Variants in TYW1 observed in about 807,000 individuals in gnomAD.
TYW1 encodes tRNA-yW synthesizing protein 1 homolog.
Under a neutral mutation model 96.2 loss-of-function variants are expected in TYW1, and 46 were observed. The ratio of observed to expected loss-of-function variants is 0.48; its 90% CI spans 0.38 to 0.61. The LOEUF (loss-of-function observed/expected upper bound fraction) is 0.61, where lower values mean the gene tolerates loss of function less well. TYW1 is among the 20% of genes least tolerant of loss of function. The pLI is 0.00. For synonymous variants in TYW1, 274 were observed against 323.0 expected, an observed-to-expected ratio of 0.85 and a Z score of 1.63; for missense variants, 684 against 909.6, an observed-to-expected ratio of 0.75 and a Z score of 3.19.
chr7:67,050,525 A>T (rs4146599), intron 8 of TYW1, among the ~76,000 whole-genome samples: 89,701 of 151,738 alleles, frequency 0.59, 26,581 homozygotes, highest in Middle Eastern at 0.68. Flanking sequence ...CCTTTCCTTC[A>T]TCCCCCTCCC....
In TYW1 at chr7:67,190,871, T is replaced by C. The variant is rs142322757; in HGVS notation, c.1810-4299T>C. 1.8e-3 allele frequency among the ~76,000 whole-genome samples: 277 copies of C among 152,304 alleles called. 4 individuals are homozygous for C. The highest frequency in any genetic ancestry group is 6.5e-3 in the African/African-American group (269 of 41,560). Reference sequence around the variant, plus strand: ...GTCTTTTGACACCCAGTTGGTTTAATTAGAATATCAAATAGTCAAACCAGC... The same window carrying C: ...GTCTTTTGACACCCAGTTGGTTTAACTAGAATATCAAATAGTCAAACCAGC... On this transcript the variant is annotated intron_variant, in intron 14 of 15. Coordinates refer to ENST00000359626, the MANE Select transcript of TYW1 (RefSeq NM_018264.4).
At chr7:67,080,986 A>G (rs1796375055) in intron 10 of TYW1, among the ~76,000 whole-genome samples, 1 of 79,162 alleles carries the variant, frequency 1.3e-5, no homozygotes, top group Non-Finnish European at 2.4e-5. Flanking sequence ...GTGGTCTTCC[A>G]TAGCGGTAAC....
chr7:67,007,639 C>T (rs1793646159), intron 3 of TYW1, among the ~76,000 whole-genome samples: 1 of 152,072 alleles, frequency 6.6e-6, no homozygotes, highest in Non-Finnish European at 1.5e-5. Context: ...AATACCTTTT[C>T]TCTTTTTTTT....
chr7:67,118,878 GAA>G (rs60194362), intron 13 of TYW1, among the ~76,000 whole-genome samples: 327 of 71,966 alleles, frequency 4.5e-3, no homozygotes, highest in Non-Finnish European at 7.3e-3. Flanking sequence ...ACCCCTATCT[GAA>G]AAAAAAAAAA....
chr7:67,127,226 T>G (rs1797937157), intron 13 of TYW1, among the ~76,000 whole-genome samples: 1 of 151,508 alleles, frequency 6.6e-6, no homozygotes, highest in Non-Finnish European at 1.5e-5. Context: ...TGGCCTGATC[T>G]CGGCTCACTG....
intron 13 of TYW1, among the ~76,000 whole-genome samples, chr7:67,171,744 A>G (rs1254079864): frequency 3.9e-5 from 6 of 152,006 alleles, no homozygotes; most frequent in Non-Finnish European, 5.9e-5. Context: ...TCACCTTCTC[A>G]TCTTAAAGTC....
chr7:67,214,978 T>C (rs1269986759), intron 15 of TYW1, among the ~76,000 whole-genome samples: 2 of 150,722 alleles, frequency 1.3e-5, no homozygotes, highest in African/African-American at 4.9e-5. Flanking sequence ...GTAGTATCTT[T>C]ATCTCATTTT....
At chr7:67,215,244 A>G (rs942012035) in intron 15 of TYW1, among the ~76,000 whole-genome samples, 4 of 151,086 alleles carry the variant, frequency 2.6e-5, no homozygotes, top group South Asian at 2.1e-4. Context: ...TAATTTTTCA[A>G]ATCACCTGCT....
intron 15 of TYW1, among the ~76,000 whole-genome samples, chr7:67,203,772 C>G (rs980567824): frequency 6.6e-6 from 1 of 152,136 alleles, no homozygotes; most frequent in Non-Finnish European, 1.5e-5. Context: ...GGAATCTTCC[C>G]CATCTGTTTG....
chr7:67,124,724 T>C (rs982696212), intron 13 of TYW1, among the ~76,000 whole-genome samples: 2 of 152,226 alleles, frequency 1.3e-5, no homozygotes, highest in African/African-American at 4.8e-5. Context: ...ACATTCAACA[T>C]GGTGTTCAGA....
chr7:67,238,280 C>A, intron 15 of TYW1, 28 bp from the exon 16 acceptor site: 1 of 1,583,666 alleles, frequency 6.3e-7, no homozygotes, highest in Non-Finnish European at 8.6e-7. Context: ...GTTTTTACTT[C>A]TGACTTGACA....
At chr7:67,203,546 T>C (rs576530329) in intron 15 of TYW1, among the ~76,000 whole-genome samples, 26 of 152,358 alleles carry the variant, frequency 1.7e-4, no homozygotes, top group African/African-American at 4.6e-4. Context: ...ATGTGGAAAC[T>C]TTACCTCTCT....
chr7:67,025,969 A>G (rs1002965122), intron 7 of TYW1, among the ~76,000 whole-genome samples: 34 of 152,228 alleles, frequency 2.2e-4, no homozygotes, highest in African/African-American at 7.2e-4. Context: ...TAGAAAGTCA[A>G]TAGACTTTAT....
intron 6 of TYW1, among the ~76,000 whole-genome samples, chr7:67,024,160 GA>G (rs746749380): frequency 6.6e-6 from 1 of 152,034 alleles, no homozygotes; most frequent in Non-Finnish European, 1.5e-5. Context: ...TTGTTAGTCT[GA>G]TGCTAAAGAC....
In TYW1 at chr7:67,195,211, C is replaced by T; in HGVS notation, c.1851C>T (p.Thr617=). 6.2e-7 allele frequency: 1 copy of T among 1,613,852 alleles called. No homozygotes were observed. Among genetic ancestry groups the T allele is most frequent in the Non-Finnish European group, 8.5e-7 (1 of 1,179,984 alleles). ...YCGESSASSL[T]MAHVPWHEEV... ...GAGAAAGTTCAGCAAGCAGTCTTAC[C>T]ATGGCCCACGTGCCCTGGCATGAGG... The change falls in exon 15 of 16, where the codon ACC becomes ACT. Residue 617 remains threonine (T), a synonymous_variant. Coordinates refer to ENST00000359626, the MANE Select transcript of TYW1 (RefSeq NM_018264.4).
intron 13 of TYW1, among the ~76,000 whole-genome samples, chr7:67,178,206 A>G (rs1245436006): frequency 6.6e-6 from 1 of 151,826 alleles, no homozygotes; most frequent in Non-Finnish European, 1.5e-5. Context: ...GGAGAGAGAG[A>G]TGAGTACAGT....
intron 15 of TYW1, among the ~76,000 whole-genome samples, chr7:67,225,190 C>CA (rs10600752): frequency 0.017 from 1,311 of 76,856 alleles, 16 homozygotes; most frequent in East Asian, 0.027. Flanking sequence ...GACTCCGTCT[C>CA]AAAAAAAAAA....
intron 7 of TYW1, among the ~76,000 whole-genome samples, chr7:67,034,545 T>C (rs560838712): frequency 6.6e-6 from 1 of 152,282 alleles, no homozygotes; most frequent in South Asian, 2.1e-4. Context: ...TTTTATTGCC[T>C]TTTATAAACA....
At chr7:67,166,398 A>C (rs889112796) in intron 13 of TYW1, among the ~76,000 whole-genome samples, 1 of 145,278 alleles carries the variant, frequency 6.9e-6, no homozygotes, top group African/African-American at 2.5e-5. Flanking sequence ...TTTAAATTGG[A>C]GTATACCATA....
Sources: gnomAD v4.1 joint callset for allele counts (sites outside exome capture counted in the v4.1 genomes callset) on GRCh38, gnomAD v4.1.1 for gene constraint, MANE v1.5 for transcripts, NCBI Gene and HGNC (gene_info 2026-07-23, HGNC 2026-07-21) for gene names.